The following GGTA1 variants were observed in gnomAD, a reference collection of about 807,000 sequenced individuals.
GGTA1 encodes glycoprotein alpha-galactosyltransferase 1 (inactive), also known as inactive N-acetyllactosaminide alpha-1,3-galactosyltransferase.
In GGTA1, 5 loss-of-function variants were observed where a neutral mutation model predicts 2.6. The observed-to-expected ratio is 1.92, with a 90% confidence interval of 1.00 to 4.04. GGTA1 has a LOEUF of 4.04. Among genes scored for constraint, GGTA1 ranks in the 30% most tolerant of loss-of-function variants. GGTA1 has a pLI of 0.00. For synonymous variants in GGTA1, 17 were observed against 5.0 expected (o/e 3.38, Z -3.19); for missense variants, 50 against 16.7 (o/e 2.99, Z -3.47).
downstream of GGTA1, among the ~76,000 whole-genome samples, chr9:121,451,095 T>C (rs963855046): frequency 6.6e-6 from 1 of 151,964 alleles, no homozygotes; most frequent in Non-Finnish European, 1.5e-5. Context: ...ATAGGAAAAT[T>C]GGACTTTTAG....
intron 1 of GGTA1, among the ~76,000 whole-genome samples, chr9:121,490,117 C>T (rs1266551055): frequency 2.0e-5 from 3 of 152,116 alleles, no homozygotes; most frequent in Non-Finnish European, 2.9e-5. Context: ...GATTTTCTTG[C>T]GTTGGTTCTC....
chr9:121,465,923 A>C (rs979205033), intron 2 of GGTA1, among the ~76,000 whole-genome samples: 3 of 151,764 alleles, frequency 2.0e-5, no homozygotes, highest in Non-Finnish European at 4.4e-5. Context: ...CCCTCCCCCA[A>C]CTTTTTTTTT....
chr9:121,473,878 A>G (rs1339671506), intron 1 of GGTA1, among the ~76,000 whole-genome samples: 2 of 148,856 alleles, frequency 1.3e-5, no homozygotes, highest in Non-Finnish European at 3.0e-5. Flanking sequence ...TGATCAAGCC[A>G]CTGCACTGCA....
intron 5 of GGTA1, among the ~76,000 whole-genome samples, chr9:121,456,251 C>T (rs1411041118): frequency 6.6e-6 from 1 of 152,186 alleles, no homozygotes; most frequent in South Asian, 2.1e-4. Context: ...CCACGTAGGA[C>T]ATGCAATGGT....
At chr9:121,462,118 G>A (rs1008733069) in intron 3 of GGTA1, among the ~76,000 whole-genome samples, 11 of 152,196 alleles carry the variant, frequency 7.2e-5, no homozygotes, top group African/African-American at 1.4e-4. Context: ...GAGGTCAGGC[G>A]TTCAAGACCA....
chr9:121,479,095 C>T (rs1394166618), intron 1 of GGTA1: 1 of 456,586 alleles, frequency 2.2e-6, no homozygotes, highest in Non-Finnish European at 4.4e-6. Flanking sequence ...CATCCTTCTT[C>T]CAGGTCCACT....
At chr9:121,465,007 A>C (rs2064993797) in intron 2 of GGTA1, among the ~76,000 whole-genome samples, 2 of 151,560 alleles carry the variant, frequency 1.3e-5, no homozygotes, top group African/African-American at 4.9e-5. Flanking sequence ...AAAACAAACA[A>C]AAAAAAAAAA....
intron 1 of GGTA1, among the ~76,000 whole-genome samples, chr9:121,498,162 A>C (rs1829030194): frequency 6.6e-6 from 1 of 152,252 alleles, no homozygotes; most frequent in Non-Finnish European, 1.5e-5. Flanking sequence ...GGAAGGGGCC[A>C]GAGCCCTGTC....
exon 8 of GGTA1, chr9:121,446,999 G>A (rs1211880635): frequency 6.6e-6 from 1 of 152,314 alleles, no homozygotes; most frequent in Non-Finnish European, 1.5e-5. Context: ...GATAATCCCA[G>A]CAGTATTTTA....
intron 1 of GGTA1, among the ~76,000 whole-genome samples, chr9:121,494,270 C>T (rs1255227952): frequency 6.6e-6 from 1 of 152,174 alleles, no homozygotes; most frequent in Non-Finnish European, 1.5e-5. Context: ...AATGGGTCTC[C>T]ACCCCACTGC....
At chr9:121,487,574 C>CAAA (rs35537073) in intron 1 of GGTA1, among the ~76,000 whole-genome samples, 37 of 65,890 alleles carry the variant, frequency 5.6e-4, no homozygotes, top group East Asian at 1.1e-3. Flanking sequence ...GACTCTGTCT[C>CAAA]AAAAAAAAAA....
exon 8 of GGTA1, chr9:121,447,498 G>A (rs1463461397): frequency 6.6e-6 from 1 of 152,540 alleles, no homozygotes; most frequent in African/African-American, 2.4e-5. Flanking sequence ...ACGGCAGCTT[G>A]GAGACATCAT....
intron 1 of GGTA1, among the ~76,000 whole-genome samples, chr9:121,482,414 T>C (rs1479359640): frequency 1.3e-5 from 2 of 151,750 alleles, no homozygotes; most frequent in African/African-American, 2.4e-5. Flanking sequence ...TTGCAGGGAA[T>C]CAATATTGCA....
chr9:121,453,817 C>T (rs767187059), downstream of GGTA1, among the ~76,000 whole-genome samples: 29 of 152,242 alleles, frequency 1.9e-4, no homozygotes, highest in South Asian at 4.2e-4. Context: ...TTTCCCACAG[C>T]GAGGCTGATA....
At chr9:121,465,002 A>C (rs1476642525) in intron 2 of GGTA1, among the ~76,000 whole-genome samples, 1 of 133,808 alleles carries the variant, frequency 7.5e-6, no homozygotes, top group Admixed American at 7.3e-5. Flanking sequence ...AAAACAAAAC[A>C]AACAAAAAAA....
intron 1 of GGTA1, among the ~76,000 whole-genome samples, chr9:121,480,061 C>CTTTTCTTTTCTTTTTTTTTTT (rs58602847): frequency 7.2e-6 from 1 of 139,828 alleles, no homozygotes. Flanking sequence ...CTTTTCTTTT[C>CTTTTCTTTTCTTTTTTTTTTT]TTTTTTTTTT....
intron 1 of GGTA1, among the ~76,000 whole-genome samples, chr9:121,492,325 T>C (rs1828886130): frequency 6.6e-6 from 1 of 152,158 alleles, no homozygotes; most frequent in Non-Finnish European, 1.5e-5. Context: ...CCTTGTACCA[T>C]TTGGCTGATG....
chr9:121,485,936 A>C (rs1396204436), intron 1 of GGTA1, among the ~76,000 whole-genome samples: 1 of 152,036 alleles, frequency 6.6e-6, no homozygotes, highest in East Asian at 1.9e-4. Flanking sequence ...AAACAACAAC[A>C]CCACCACCAC....
chr9:121,486,882 C>A (rs1399057167), intron 1 of GGTA1, among the ~76,000 whole-genome samples: 1 of 152,214 alleles, frequency 6.6e-6, no homozygotes, highest in South Asian at 2.1e-4. Flanking sequence ...GGATGACTTT[C>A]CTTTCCCGGT....
Sources: gnomAD v4.1 joint callset for allele counts (sites outside exome capture counted in the v4.1 genomes callset) on GRCh38, gnomAD v4.1.1 for gene constraint, MANE v1.5 for transcripts, NCBI Gene and HGNC (gene_info 2026-07-23, HGNC 2026-07-21) for gene names.